The following AFF2 variants were observed in gnomAD, a reference collection of about 807,000 sequenced individuals.
AFF2 encodes AF4/FMR2 family member 2.
Under a neutral mutation model 76.9 loss-of-function variants are expected in AFF2, and 14 were observed. That is an observed-to-expected ratio of 0.18 (90% CI 0.12 to 0.28). The LOEUF (loss-of-function observed/expected upper bound fraction) is 0.28. AFF2 is among the 10% of genes least tolerant of loss of function. The pLI is 1.00. For synonymous variants in AFF2, 398 were observed against 366.7 expected (o/e 1.09, Z -0.98); for missense variants, 868 against 1,001.1 (o/e 0.87, Z 1.79).
chrX:148,662,137 C>T lies in AFF2; in HGVS notation c.410C>T (p.Pro137Leu), dbSNP rs986405557. 1 of 1,209,685 alleles carries T rather than the reference C, an allele frequency of 8.3e-7. No individual in the cohort carries two copies. Among genetic ancestry groups the T allele is most frequent in the Non-Finnish European group, 1.1e-6 (1 of 893,645 alleles). The change falls in exon 3 of 21, where the codon CCT becomes CTT. Residue 137 changes from proline to leucine, a missense_variant. Pro to Leu is a moderately conservative substitution (Grantham distance 98). Coordinates refer to ENST00000370460, the MANE Select transcript of AFF2 (RefSeq NM_002025.4). ...AATACCCATCCTTCAGCACCAATGCCTCCACCTTCTGTTGTGATACTGAAT... is the reference window on the plus strand; with the variant it reads ...AATACCCATCCTTCAGCACCAATGCTTCCACCTTCTGTTGTGATACTGAAT... Reference protein sequence around the residue: ...QDNTHPSAPMPPPSVVILNST... With the variant: ...QDNTHPSAPMLPPSVVILNST...
chrX:148,741,480 C>A (rs782718043), intron 3 of AFF2, among the ~76,000 whole-genome samples: 101 of 110,908 alleles, frequency 9.1e-4, no homozygotes, highest in African/African-American at 3.3e-3. Flanking sequence ...AGTCTCACCC[C>A]CACTGTGCCT....
intron 9 of AFF2, among the ~76,000 whole-genome samples, chrX:148,907,147 G>A (rs782429912): frequency 3.6e-5 from 4 of 111,850 alleles, no homozygotes; most frequent in Admixed American, 9.5e-5. Flanking sequence ...AGATCCCCCC[G>A]GTAACACTAG....
At chrX:148,736,908 G>C (rs1425194629) in intron 3 of AFF2, among the ~76,000 whole-genome samples, 1 of 111,199 alleles carries the variant, frequency 9.0e-6, no homozygotes, top group Non-Finnish European at 1.9e-5. Flanking sequence ...TTGCTCTGTA[G>C]AAGATCAGTT....
intron 7 of AFF2, among the ~76,000 whole-genome samples, chrX:148,851,120 C>T (rs1245213624): frequency 8.9e-6 from 1 of 112,084 alleles, no homozygotes; most frequent in African/African-American, 3.2e-5. Flanking sequence ...GATCCTTTAC[C>T]ACAATTAGGT....
intron 9 of AFF2, among the ~76,000 whole-genome samples, chrX:148,906,155 A>G (rs1844069604): frequency 5.4e-5 from 6 of 111,905 alleles, no homozygotes; most frequent in African/African-American, 2.0e-4. Flanking sequence ...CAGCTCAGAA[A>G]CAAAAACTCC....
At chrX:148,555,522 G>A (rs782510664) in intron 1 of AFF2, among the ~76,000 whole-genome samples, 3 of 111,997 alleles carry the variant, frequency 2.7e-5, no homozygotes, top group African/African-American at 6.5e-5. Context: ...GCCAGTTTCC[G>A]CCACCTTTTT....
intron 3 of AFF2, among the ~76,000 whole-genome samples, chrX:148,663,496 A>G (rs2054328380): frequency 2.7e-5 from 3 of 112,567 alleles, no homozygotes; most frequent in Admixed American, 9.3e-5. Flanking sequence ...AGAGAAGTCC[A>G]GAGGCACCAA....
At chrX:148,853,855 C>T (rs782049171) in intron 7 of AFF2, among the ~76,000 whole-genome samples, 2 of 111,722 alleles carry the variant, frequency 1.8e-5, no homozygotes, top group Admixed American at 9.5e-5. Flanking sequence ...AGAAGAGTGA[C>T]GGCATTTTTC....
At position 148,662,731 on chromosome X, in the gene AFF2, C is replaced by G; in HGVS notation, c.1004C>G (p.Thr335Ser). The G allele has an allele frequency of 2.5e-6, 3 of 1,210,624 alleles. No homozygotes were observed. Among genetic ancestry groups the G allele is most frequent in the Non-Finnish European group, 2.2e-6 (2 of 894,522 alleles). The change falls in exon 3 of 21, where the codon ACT (threonine) becomes AGT (serine). Residue 335 changes from threonine (T) to serine (S), a missense_variant. Coordinates refer to ENST00000370460, the MANE Select transcript of AFF2 (RefSeq NM_002025.4). ...AAACCCAGTGCAGCCAGTTCAAAGA[C>G]TAAACTGCCAAAGTTCACCATCCTC... is the stretch of plus-strand genomic sequence containing the variant. Reference protein sequence around the residue: ...DGKPSAASSKTKLPKFTILQT... With the variant: ...DGKPSAASSKSKLPKFTILQT...
intron 1 of AFF2, among the ~76,000 whole-genome samples, chrX:148,618,613 TA>T (rs1408849173): frequency 9.0e-6 from 1 of 110,873 alleles, no homozygotes; most frequent in Admixed American, 9.6e-5. Flanking sequence ...GGATCTAATT[TA>T]AAAAAAATAC....
chrX:148,622,817 A>G lies in AFF2; in HGVS notation c.48-29182A>G, dbSNP rs782158720. Among the ~76,000 whole-genome samples, 168 of 110,662 alleles carry G rather than the reference A, an allele frequency of 1.5e-3. 2 individuals carry two copies. The highest frequency in any genetic ancestry group is 4.9e-3 in the African/African-American group (150 of 30,425). ...CATAGGCTGTTTGCCTATTCCTGCC[A>G]CTCTCCTTCCCATGCCACGTTCTCA... On this transcript the variant is annotated intron_variant, in intron 1 of 20. Coordinates refer to ENST00000370460, the MANE Select transcript of AFF2 (RefSeq NM_002025.4).
chrX:148,959,690 C>T (rs781871459), intron 12 of AFF2, among the ~76,000 whole-genome samples: 4 of 112,479 alleles, frequency 3.6e-5, no homozygotes, highest in South Asian at 7.5e-4. Flanking sequence ...AACATCCCTT[C>T]ACATACATAC....
intron 3 of AFF2, among the ~76,000 whole-genome samples, chrX:148,784,452 C>T (rs1247529522): frequency 8.1e-5 from 9 of 111,605 alleles, no homozygotes; most frequent in African/African-American, 2.6e-4. Flanking sequence ...ACTCTGGAGT[C>T]GGAAAGGCCA....
intron 1 of AFF2, among the ~76,000 whole-genome samples, chrX:148,543,763 T>C (rs185759016): frequency 3.8e-4 from 43 of 112,528 alleles, no homozygotes; most frequent in African/African-American, 1.2e-3. Context: ...CAAGAATTGA[T>C]ATTTGGCAGT....
chrX:148,811,151 G>T (rs1351958928), intron 4 of AFF2, among the ~76,000 whole-genome samples: 1 of 111,323 alleles, frequency 9.0e-6, no homozygotes, highest in Non-Finnish European at 1.9e-5. Flanking sequence ...CCAATCCCAA[G>T]TCAATGGACT....
At chrX:148,738,263 C>T (rs1057488293) in intron 3 of AFF2, among the ~76,000 whole-genome samples, 2 of 110,181 alleles carry the variant, frequency 1.8e-5, no homozygotes, top group Admixed American at 9.7e-5. Flanking sequence ...TTTTTTTTGT[C>T]GGTAATTTTT....
chrX:148,741,528 G>C (rs782537881), intron 3 of AFF2, among the ~76,000 whole-genome samples: 1 of 110,639 alleles, frequency 9.0e-6, no homozygotes, highest in South Asian at 3.9e-4. Flanking sequence ...GAGGAAGGGC[G>C]AGACGGACTT....
chrX:148,905,268 T>G (rs1488716803), intron 9 of AFF2, among the ~76,000 whole-genome samples: 1 of 112,506 alleles, frequency 8.9e-6, no homozygotes, highest in Non-Finnish European at 1.9e-5. Flanking sequence ...ACTTTGCTTT[T>G]AAGTTTCATT....
In AFF2 at chrX:148,994,864, T is replaced by G. The variant is rs1273103792; in HGVS notation, c.*3532T>G. 1 of 112,418 alleles carries G rather than the reference T, an allele frequency of 8.9e-6. No homozygotes were observed. The highest frequency in any genetic ancestry group is 3.2e-5 in the African/African-American group (1 of 30,818). 9.3% of individuals were successfully genotyped at this position (112,418 alleles called of 1,213,427 possible). The stretch of plus-strand genomic sequence containing the variant: ...GTTGTGAGGGTGAAGCCTCACATAC[T>G]TCTCAACAGACATGATAAAATTCAC... On this transcript the variant is annotated 3_prime_UTR_variant, in exon 21 of 21. Transcript: ENST00000370460.
Sources: gnomAD v4.1 joint callset for allele counts (sites outside exome capture counted in the v4.1 genomes callset) on GRCh38, gnomAD v4.1.1 for gene constraint, MANE v1.5 for transcripts, NCBI Gene and HGNC (gene_info 2026-07-23, HGNC 2026-07-21) for gene names.